The following PNPLA2 variants were observed in gnomAD, a reference collection of about 807,000 sequenced individuals.
PNPLA2 encodes patatin like domain 2, triacylglycerol lipase.
Under a neutral mutation model 39.7 loss-of-function variants are expected in PNPLA2, and 28 were observed. The observed-to-expected ratio is 0.70, with a 90% CI of 0.52 to 0.97. PNPLA2 has a LOEUF of 0.97. Ranked by LOEUF, PNPLA2 falls within the 50% of genes least tolerant of loss-of-function variation. The pLI is 0.00. For missense variants in PNPLA2, 768 were observed against 698.2 expected, an observed-to-expected ratio of 1.10 and a Z score of -1.13; for synonymous variants, 392 against 321.1, an observed-to-expected ratio of 1.22 and a Z score of -2.36.
At chr11:821,380 C>T in intron 2 of PNPLA2, 1 of 584,146 alleles carries the variant, frequency 1.7e-6, no homozygotes, top group South Asian at 2.0e-5. Flanking sequence ...ACACCAGGCC[C>T]AGTGACTCAT....
rs1845691346 is a variant in PNPLA2, at chr11:822,266, C to T, written c.487-131C>T. Reference sequence around the variant, plus strand: ...GCCCAGGCTGGCCCACAGCCAGTGCCCAGTGGGTAAAACGCTCAAATGAGG... The same window carrying T: ...GCCCAGGCTGGCCCACAGCCAGTGCTCAGTGGGTAAAACGCTCAAATGAGG... On this transcript the variant is annotated intron_variant, in intron 4 of 9. Transcript: ENST00000336615. 6 of 886,480 alleles carry T rather than the reference C, an allele frequency of 6.8e-6. No individual in the cohort carries two copies. In the East Asian group the frequency reaches 1.0e-4, roughly 15 times the overall value. The allele number at this position is 886,480 out of a possible 1,614,324, so 54.9% of individuals were successfully genotyped here. A position where few individuals can be genotyped will look rare whatever the true frequency, so the allele number is the denominator to read the frequency against.
At chr11:819,519 CG>C in intron 1 of PNPLA2, 54 bp from the exon 2 acceptor site, 11 of 1,260,048 alleles carry the variant, frequency 8.7e-6, no homozygotes, top group Non-Finnish European at 1.0e-5. Flanking sequence ...GTGCCGGCCC[CG>C]CCCCCGCCGT....
chr11:823,936 A>C (rs1845770404), intron 7 of PNPLA2, 62 bp from the exon 8 acceptor site: 1 of 1,546,376 alleles, frequency 6.5e-7, no homozygotes, highest in African/African-American at 1.4e-5. Context: ...CAGGGGAGGG[A>C]AGCCGAGCGG....
rs1297359424 is a variant in PNPLA2 at position 823,548 on chromosome 11, C to T, written c.718C>T (p.Gln240Ter). ...GCAGGTGCTGCGAGAGATGTGCAAG[C>T]AGGGATACCGGGATGGCCTGCGCTT... ...EPLVLREMCK[Q>*]GYRDGLRFLQ... is the part of the protein sequence containing the mutation. The change falls in exon 6 of 10, where the codon CAG becomes TAG. Residue 240 changes from glutamine (Q) to a stop codon, truncating the protein, a stop_gained. Transcript: ENST00000336615. LOFTEE classifies it high-confidence loss of function. 8 of 1,610,920 alleles carry T rather than the reference C, an allele frequency of 5.0e-6. No individual in the cohort carries two copies. Among genetic ancestry groups the T allele is most frequent in the Non-Finnish European group, 2.5e-6 (3 of 1,179,048 alleles).
At chr11:823,377 C>G in intron 5 of PNPLA2, 150 bp from the exon 6 acceptor site, 1 of 762,046 alleles carries the variant, frequency 1.3e-6, no homozygotes, top group Non-Finnish European at 2.3e-6. Context: ...CCTCCCTGTA[C>G]AGCTTTGATC....
At position 825,308 on chromosome 11, in the gene PNPLA2, C is replaced by T. The variant is rs924723812; in HGVS notation, c.*446C>T. ...TCTGGCCCTACCTTGGCTGACCAGC[C>T]TCTCCACAGCTGCAGGCCAGGTCTC... On this transcript the variant is annotated 3_prime_UTR_variant, in exon 10 of 10. Coordinates refer to ENST00000336615, the MANE Select transcript of PNPLA2 (RefSeq NM_020376.4). The T allele has an allele frequency of 3.7e-6, 1 of 268,300 alleles. No homozygotes were observed. Among genetic ancestry groups the T allele is most frequent in the Non-Finnish European group, 7.3e-6 (1 of 137,644 alleles). 16.6% of individuals were successfully genotyped at this position (268,300 alleles called of 1,614,324 possible).
rs775562269 is a variant in PNPLA2, at chr11:824,688, C to T, written c.1341C>T (p.Leu447=). The T allele has an allele frequency of 4.4e-6, 7 of 1,596,234 alleles. No homozygotes were observed. The highest frequency in any genetic ancestry group is 5.9e-6 in the Non-Finnish European group (7 of 1,177,774). The part of the protein sequence containing the change: ...EECQRQLLLG[L]FCTNVAFPPE... The stretch of plus-strand genomic sequence containing the variant: ...GCCAGCGCCAGCTGCTGCTCGGCCT[C>T]TTCTGCACCAACGTGGCCTTCCCGC... Residue 447 remains leucine, a synonymous_variant, in exon 10 of 10, where the codon CTC becomes CTT. Coordinates refer to ENST00000336615, the MANE Select transcript of PNPLA2 (RefSeq NM_020376.4).
chr11:819,217 T>C (rs1431485705), intron 1 of PNPLA2, among the ~76,000 whole-genome samples: 2 of 152,046 alleles, frequency 1.3e-5, no homozygotes, highest in Non-Finnish European at 2.9e-5. Context: ...CCCGGGTGGG[T>C]GTGGGAGGCG....
chr11:823,892 C>T, intron 7 of PNPLA2, 37 bp downstream of exon 7: 1 of 1,558,208 alleles, frequency 6.4e-7, no homozygotes. Context: ...GGAGGGGAGG[C>T]AGGAGGGAAA....
chr11:823,334 G>A (rs1317593360), intron 5 of PNPLA2, among the ~76,000 whole-genome samples, 193 bp from the exon 6 acceptor site: 1 of 152,194 alleles, frequency 6.6e-6, no homozygotes, highest in African/African-American at 2.4e-5. Context: ...TGGGGTTACA[G>A]GTGTAAGCCA....
chr11:820,598 G>A (rs978356963), intron 2 of PNPLA2, among the ~76,000 whole-genome samples: 71 of 152,200 alleles, frequency 4.7e-4, no homozygotes, highest in Admixed American at 4.6e-3. Context: ...CTGCCATGAG[G>A]GAGTGATGTT....
At position 820,007 on chromosome 11, in the gene PNPLA2, G is replaced by T. The variant is rs557881346; in HGVS notation, c.187+102G>T. 114 of 906,504 alleles carry T rather than the reference G, an allele frequency of 1.3e-4. 2 individuals are homozygous for T. Among genetic ancestry groups the T allele is most frequent in the South Asian group, 5.7e-4 (20 of 35,218 alleles). 56.2% of individuals were successfully genotyped at this position (906,504 alleles called of 1,614,324 possible). ...GAGGGGCCCCGCGGCGAGTCGGTGG[G>T]TACCGTGGGGAGGGTTCCGGTCCGC... On this transcript the variant is annotated intron_variant, in intron 2 of 9. Transcript: ENST00000336615.
intron 5 of PNPLA2, among the ~76,000 whole-genome samples, 178 bp from the exon 6 acceptor site, chr11:823,349 G>T (rs190595843): frequency 6.6e-6 from 1 of 152,192 alleles, no homozygotes; most frequent in South Asian, 2.1e-4. Context: ...AAGCCACTGC[G>T]CCCGGCTTTC....
In PNPLA2 at chr11:824,659, G is replaced by A. The variant is rs756372066; in HGVS notation, c.1312G>A (p.Glu438Lys). ...GGGGGACGCGCTGGCCAAGTGGGAG[G>A]AGTGCCAGCGCCAGCTGCTGCTCGG... ...SLGDALAKWE[E>K]CQRQLLLGLF... The change falls in exon 10 of 10, where the codon GAG becomes AAG. Residue 438 changes from glutamate (E) to lysine (K), a missense_variant. Physicochemically the swap from Glu to Lys is moderately conservative, Grantham distance 56. Transcript: ENST00000336615. The A allele has an allele frequency of 1.3e-6, 2 of 1,597,192 alleles. No homozygotes were observed. Among genetic ancestry groups the A allele is most frequent in the Non-Finnish European group, 1.7e-6 (2 of 1,177,656 alleles).
At position 824,991 on chromosome 11, in the gene PNPLA2, ATG is replaced by A. The variant is rs1845842544; in HGVS notation, c.*130_*131del. On this transcript the variant is annotated 3_prime_UTR_variant, in exon 10 of 10. Coordinates refer to ENST00000336615, the MANE Select transcript of PNPLA2 (RefSeq NM_020376.4). ...CCCTCGCCAGCCACTCACCAGCTGC[ATG>A]CACTGAGAGGGGAGGTTTCCACACC... 2 of 82,302 alleles carry A rather than the reference ATG, an allele frequency of 2.4e-5. No individual in the cohort carries two copies. The highest frequency in any genetic ancestry group is 5.3e-5 in the Non-Finnish European group (2 of 37,774). 5.1% of individuals were successfully genotyped at this position (82,302 alleles called of 1,614,324 possible).
chr11:819,532 A>C (rs1590173438), intron 1 of PNPLA2, 42 bp from the exon 2 acceptor site: 2 of 1,269,448 alleles, frequency 1.6e-6, no homozygotes, highest in Non-Finnish European at 2.0e-6. Context: ...CCCCGCCGTG[A>C]GTCCCACACT....
At position 823,994 on chromosome 11, in the gene PNPLA2, G is replaced by A; in HGVS notation, c.920-4G>A. ...CTGGCCGCCGACCTCCCGCCCACCC[G>A]CAGCCCTGCTGGAGGCCTGCGTGGA... On this transcript the variant is annotated splice_region_variant and splice_polypyrimidine_tract_variant and intron_variant, in intron 7 of 9. Coordinates refer to ENST00000336615, the MANE Select transcript of PNPLA2 (RefSeq NM_020376.4). The A allele has an allele frequency of 6.2e-7, 1 of 1,602,934 alleles. No homozygotes were observed. The highest frequency in any genetic ancestry group is 8.5e-7 in the Non-Finnish European group (1 of 1,176,628).
Position 824,774 on chromosome 11 carries a change from C to T in PNPLA2, c.1427C>T (p.Ser476Phe), listed in dbSNP as rs1205958640. ...DPAPAPADPA[S>F]PQHQLAGPAP... is the part of the protein sequence containing the mutation. The stretch of plus-strand genomic sequence containing the variant: ...GCTCCCGCCCCCGCGGACCCAGCAT[C>T]CCCGCAGCACCAGCTGGCCGGGCCT... Residue 476 changes from serine to phenylalanine, a missense_variant, in exon 10 of 10, where the codon TCC (serine) becomes TTC (phenylalanine). By Grantham distance (155) the Ser-to-Phe change is radical. Transcript: ENST00000336615. The T allele has an allele frequency of 4.5e-6, 7 of 1,542,402 alleles. No homozygotes were observed. The highest frequency in any genetic ancestry group is 6.1e-6 in the Non-Finnish European group (7 of 1,150,526).
In PNPLA2 at chr11:824,999, A is replaced by G; in HGVS notation, c.*137A>G. On this transcript the variant is annotated 3_prime_UTR_variant, in exon 10 of 10. Coordinates refer to ENST00000336615, the MANE Select transcript of PNPLA2 (RefSeq NM_020376.4). ...AGCCACTCACCAGCTGCATGCACTG[A>G]GAGGGGAGGTTTCCACACCCCTCCC... 1.3e-6 allele frequency: 1 copy of G among 745,628 alleles called. No individual in the cohort carries two copies. The highest frequency in any genetic ancestry group is 2.3e-6 in the Non-Finnish European group (1 of 433,586). 46.2% of individuals were successfully genotyped at this position (745,628 alleles called of 1,614,324 possible).
Sources: allele counts gnomAD v4.1 joint callset (sites outside exome capture counted in the v4.1 genomes callset), GRCh38; gene constraint gnomAD v4.1.1; transcripts MANE v1.5; gene names NCBI Gene and HGNC (gene_info 2026-07-23, HGNC 2026-07-21).